LLGL1: variants seen among roughly 807,000 people sequenced by gnomAD.
LLGL1 encodes lethal(2) giant larvae protein homolog 1.
LLGL1 carries 58 observed loss-of-function variants against 110.6 expected under a neutral mutation model. That is an observed-to-expected ratio of 0.52 (90% CI 0.42 to 0.65). LLGL1 has a LOEUF of 0.65. Among genes scored for constraint, LLGL1 ranks in the 30% least tolerant of loss-of-function variants. The pLI is 0.00. For synonymous variants in LLGL1, 674 were observed against 607.2 expected, an observed-to-expected ratio of 1.11 and a Z score of -1.62; for missense variants, 1,229 against 1,462.1, an observed-to-expected ratio of 0.84 and a Z score of 2.60.
chr17:18,226,709 C>T (rs1429449465), intron 1 of LLGL1, among the ~76,000 whole-genome samples: 2 of 152,224 alleles, frequency 1.3e-5, no homozygotes, highest in Non-Finnish European at 2.9e-5. Flanking sequence ...GAGGCTTTTC[C>T]TTCCTTTCCC....
chr17:18,225,636 T>TCCTGCGGGCGGCGGCGGCGGGCGAGGCG lies in LLGL1; in HGVS notation c.-41_-14dup, dbSNP rs1223107314. Reference sequence around the variant, plus strand: ...AGGACCCGCGGGGCCGCGCGGCGCATCCTGCGGGCGGCGGCGGCGGGCGAG... The same window carrying TCCTGCGGGCGGCGGCGGCGGGCGAGGCG: ...AGGACCCGCGGGGCCGCGCGGCGCATCCTGCGGGCGGCGGCGGCGGGCGAGGCGCCTGCGGGCGGCGGCGGCGGGCGAG... On this transcript the variant is annotated 5_prime_UTR_variant, in exon 1 of 23. Transcript: ENST00000316843. The TCCTGCGGGCGGCGGCGGCGGGCGAGGCG allele has an allele frequency of 8.8e-5, 81 of 916,178 alleles. No homozygotes were observed. The highest frequency in any genetic ancestry group is 1.0e-4 in the Non-Finnish European group (78 of 769,290). The allele number at this position is 916,178 out of a possible 1,614,324, so 56.8% of individuals were successfully genotyped here.
At chr17:18,235,699 G>A in intron 11 of LLGL1, 162 bp downstream of exon 11, 1 of 667,274 alleles carries the variant, frequency 1.5e-6, no homozygotes, top group Non-Finnish European at 2.5e-6. Context: ...AACCTCCCTG[G>A]ACCTTGGTTC....
intron 2 of LLGL1, among the ~76,000 whole-genome samples, chr17:18,230,737 G>C (rs2047549723): frequency 6.6e-6 from 1 of 152,118 alleles, no homozygotes; most frequent in South Asian, 2.1e-4. Context: ...GTGGCCTTCT[G>C]GGTTTCAGTA....
chr17:18,234,528 G>A (rs777288202), intron 7 of LLGL1, 120 bp downstream of exon 7: 100 of 1,574,494 alleles, frequency 6.4e-5, no homozygotes, highest in Middle Eastern at 5.0e-4. Flanking sequence ...TGTGTCTCCC[G>A]CCGACTTCCC....
At chr17:18,232,849 G>C in intron 4 of LLGL1, 47 bp downstream of exon 4, 1 of 1,610,266 alleles carries the variant, frequency 6.2e-7, no homozygotes, top group Non-Finnish European at 8.5e-7. Context: ...GGGAGGATCT[G>C]GGGGAGGCTG....
chr17:18,232,424 G>T lies in LLGL1; in HGVS notation c.180-71G>T, dbSNP rs2047589365. The T allele has an allele frequency of 1.4e-5, 19 of 1,356,024 alleles. No homozygotes were observed. The South Asian group carries it at 2.5e-4, about 18-fold the overall frequency. 84.0% of individuals were successfully genotyped at this position (1,356,024 alleles called of 1,614,324 possible). On this transcript the variant is annotated intron_variant, in intron 2 of 22. Coordinates refer to ENST00000316843, the MANE Select transcript of LLGL1 (RefSeq NM_004140.4). ...CACTGGAATAGTCCGGGTCAAGGAG[G>T]AGCCTTGGGTGTCTTCCTCACTGTG...
intron 7 of LLGL1, 101 bp downstream of exon 7, chr17:18,234,509 TG>T: frequency 1.3e-6 from 2 of 1,577,886 alleles, no homozygotes. Flanking sequence ...GGGGGTGGTC[TG>T]GGGGCAGTGT....
rs1292476165 is a variant in LLGL1, at chr17:18,225,682, G to A, written c.-1G>A. 9.8e-7 allele frequency: 1 copy of A among 1,024,002 alleles called. No individual in the cohort carries two copies. Among genetic ancestry groups the A allele is most frequent in the Non-Finnish European group, 1.2e-6 (1 of 849,086 alleles). The allele number at this position is 1,024,002 out of a possible 1,614,324, so 63.4% of individuals were successfully genotyped here. A position where few individuals can be genotyped will look rare whatever the true frequency, so the allele number is the denominator to read the frequency against. On this transcript the variant is annotated 5_prime_UTR_variant, in exon 1 of 23. Coordinates refer to ENST00000316843, the MANE Select transcript of LLGL1 (RefSeq NM_004140.4). ...GCGAGGCGCCTGCAGCCGGGCGCAA[G>A]ATGATGAAGTTTCGGTTCCGGCGGC...
chr17:18,236,600 C>G lies in LLGL1; in HGVS notation c.1353-7C>G. The G allele has an allele frequency of 6.2e-7, 1 of 1,605,854 alleles. No individual in the cohort carries two copies. Among genetic ancestry groups the G allele is most frequent in the South Asian group, 1.1e-5 (1 of 90,666 alleles). ...TCGGGTAGCCCTGACATCTGCCCTC[C>G]CTGCAGCCATGAGGACGGCACCGTG... is the stretch of plus-strand genomic sequence containing the variant. On this transcript the variant is annotated splice_polypyrimidine_tract_variant and splice_region_variant and intron_variant, in intron 11 of 22. Coordinates refer to ENST00000316843, the MANE Select transcript of LLGL1 (RefSeq NM_004140.4).
chr17:18,241,107 C>T, intron 17 of LLGL1: 1 of 585,970 alleles, frequency 1.7e-6, no homozygotes, highest in South Asian at 2.4e-5. Flanking sequence ...AGTCCTATCT[C>T]ACTGTGCCAC....
At chr17:18,226,545 A>G (rs550501515) in intron 1 of LLGL1, among the ~76,000 whole-genome samples, 11 of 152,216 alleles carry the variant, frequency 7.2e-5, no homozygotes, top group Non-Finnish European at 1.6e-4. Flanking sequence ...TCCAGGGGAC[A>G]TGCCTGGCTG....
Position 18,238,549 on chromosome 17 carries a change from G to T in LLGL1, c.2146G>T (p.Asp716Tyr). ...VQRRIEPRSADDSLSGVVRCL... is the reference protein window; with the variant it reads ...VQRRIEPRSAYDSLSGVVRCL... ...GCGCCGCATTGAGCCCCGCTCTGCC[G>T]ATGACTCCTTGTCGGGTGTCGTGCG... is the stretch of plus-strand genomic sequence containing the variant. Residue 716 changes from aspartate to tyrosine, a missense_variant, in exon 16 of 23, where the codon GAT becomes TAT. By Grantham distance (160) the Asp-to-Tyr change is radical. Transcript: ENST00000316843. 1 of 1,613,072 alleles carries T rather than the reference G, an allele frequency of 6.2e-7. No individual in the cohort carries two copies. Among genetic ancestry groups the T allele is most frequent in the Non-Finnish European group, 8.5e-7 (1 of 1,180,008 alleles).
intron 20 of LLGL1, 61 bp downstream of exon 20, chr17:18,242,339 G>A (rs949410482): frequency 1.7e-5 from 27 of 1,556,614 alleles, no homozygotes; most frequent in Admixed American, 8.4e-5. Context: ...GGAGGGAGTC[G>A]GGACTCACAT....
At chr17:18,227,927 G>A (rs1392357376) in intron 1 of LLGL1, among the ~76,000 whole-genome samples, 2 of 152,174 alleles carry the variant, frequency 1.3e-5, no homozygotes, top group East Asian at 3.8e-4. Context: ...CTGAGCTTAG[G>A]GGGTGGGAGA....
chr17:18,231,315 C>A (rs557604759), intron 2 of LLGL1, among the ~76,000 whole-genome samples: 1 of 152,328 alleles, frequency 6.6e-6, no homozygotes, highest in African/African-American at 2.4e-5. Flanking sequence ...CCCTGGTTCC[C>A]GCCCAGCTGC....
chr17:18,232,434 T>C, intron 2 of LLGL1, 61 bp from the exon 3 acceptor site: 1 of 1,430,318 alleles, frequency 7.0e-7, no homozygotes, highest in East Asian at 2.4e-5. Flanking sequence ...GAGCCTTGGG[T>C]GTCTTCCTCA....
intron 2 of LLGL1, 47 bp from the exon 3 acceptor site, chr17:18,232,448 T>G: frequency 6.5e-7 from 1 of 1,535,082 alleles, no homozygotes; most frequent in Non-Finnish European, 8.9e-7. Context: ...TTCCTCACTG[T>G]GGTTTGCTGG....
At chr17:18,236,532 T>C (rs1423497977) in intron 11 of LLGL1, 75 bp from the exon 12 acceptor site, 19 of 1,450,066 alleles carry the variant, frequency 1.3e-5, no homozygotes, top group Non-Finnish European at 1.8e-5. Flanking sequence ...AGTGAGTGGT[T>C]ATCAGATGAG....
In LLGL1 at chr17:18,233,943, G is replaced by C; in HGVS notation, c.551+7G>C. 1 of 1,608,924 alleles carries C rather than the reference G, an allele frequency of 6.2e-7. No individual in the cohort carries two copies. The highest frequency in any genetic ancestry group is 8.5e-7 in the Non-Finnish European group (1 of 1,177,762). ...CAGGCGAGGTTCTGCGCAGGTAAGAGGCCGGTGGGCTTCCCAGCACCCACT... is the reference window on the plus strand; with the variant it reads ...CAGGCGAGGTTCTGCGCAGGTAAGACGCCGGTGGGCTTCCCAGCACCCACT... On this transcript the variant is annotated splice_region_variant and intron_variant, in intron 5 of 22. Transcript: ENST00000316843.
Sources: allele counts gnomAD v4.1 joint callset (sites outside exome capture counted in the v4.1 genomes callset), GRCh38; gene constraint gnomAD v4.1.1; transcripts MANE v1.5; gene names NCBI Gene and HGNC (gene_info 2026-07-23, HGNC 2026-07-21).